Variants in CHIT1 observed in about 807,000 individuals in gnomAD.
CHIT1 encodes the protein chitinase 1, also known as chitotriosidase-1.
In CHIT1, 47 loss-of-function variants were observed where a neutral mutation model predicts 52.0. The ratio of observed to expected loss-of-function variants is 0.90; its 90% confidence interval spans 0.71 to 1.15. CHIT1 has a LOEUF of 1.15. CHIT1 is among the 50% of genes most tolerant of loss of function. The pLI is 0.00. For missense variants in CHIT1, 569 were observed against 583.0 expected (o/e 0.98, Z 0.25); for synonymous variants, 242 against 228.2 (o/e 1.06, Z -0.54).
chr1:203,230,019 C>T (rs2102248943), upstream of CHIT1: 1 of 315,388 alleles, frequency 3.2e-6, no homozygotes, highest in East Asian at 7.8e-5. Flanking sequence ...ACTCACGAGT[C>T]AGGCAGCTGG....
At position 203,225,827 on chromosome 1, in the gene CHIT1, C is replaced by T; in HGVS notation, c.99G>A (p.Gln33=). The part of the protein sequence containing the change: ...KLVCYFTNWA[Q]YRQGEARFLP... The stretch of plus-strand genomic sequence containing the variant: ...GGAAGCGAGCCTCCCCCTGTCTGTA[C>T]TGGGCCCAGTTGGTGAAGTAGCAGA... Residue 33 remains glutamine, a synonymous_variant, in exon 3 of 11, where the codon CAG becomes CAA. Coordinates refer to ENST00000367229, the MANE Select transcript of CHIT1 (RefSeq NM_003465.3). The T allele has an allele frequency of 6.2e-7, 1 of 1,614,200 alleles. No homozygotes were observed. The highest frequency in any genetic ancestry group is 8.5e-7 in the Non-Finnish European group (1 of 1,180,042).
intron 2 of CHIT1, among the ~76,000 whole-genome samples, chr1:203,227,646 G>A (rs564966090): frequency 6.6e-6 from 1 of 152,306 alleles, no homozygotes; most frequent in South Asian, 2.1e-4. Context: ...AACACTCGGA[G>A]GAACACTGCA....
chr1:203,223,122 G>A lies in CHIT1; in HGVS notation c.605+13C>T, dbSNP rs1352961495. The stretch of plus-strand genomic sequence containing the variant: ...CAGAGAGCACAGCTCCAAGCCATCT[G>A]CCTGAGACTCACTGGGCGATTTTGT... On this transcript the variant is annotated intron_variant, in intron 6 of 10. Transcript: ENST00000367229. The A allele has an allele frequency of 6.2e-7, 1 of 1,613,982 alleles. No homozygotes were observed. The highest frequency in any genetic ancestry group is 1.7e-5 in the Admixed American group (1 of 60,024).
At chr1:203,217,898 G>A (rs757044414) in intron 9 of CHIT1, 33 bp from the exon 10 acceptor site, 92 of 1,593,512 alleles carry the variant, frequency 5.8e-5, no homozygotes, top group South Asian at 5.5e-4. Context: ...GGAGGAGCCC[G>A]GGGAAGCCTG....
intron 1 of CHIT1, 145 bp downstream of exon 1, chr1:203,229,467 G>T (rs754985119): frequency 2.3e-6 from 2 of 864,784 alleles, no homozygotes; most frequent in Admixed American, 2.1e-5. Flanking sequence ...CTGCAAGCCA[G>T]GAGGCATGGA....
At chr1:203,225,452 A>T (rs1055869520) in intron 3 of CHIT1, among the ~76,000 whole-genome samples, 36 of 152,228 alleles carry the variant, frequency 2.4e-4, no homozygotes, top group African/African-American at 8.2e-4. Flanking sequence ...TCCTGATCAC[A>T]CTTAGACCTA....
At chr1:203,222,442 C>T in intron 6 of CHIT1, 117 bp from the exon 7 acceptor site, 1 of 1,497,082 alleles carries the variant, frequency 6.7e-7, no homozygotes, top group Non-Finnish European at 9.1e-7. Flanking sequence ...GGGTCAGAGG[C>T]AAAGGTGGCA....
chr1:203,219,377 A>T, intron 8 of CHIT1, 48 bp from the exon 9 acceptor site: 1 of 1,115,356 alleles, frequency 9.0e-7, no homozygotes, highest in East Asian at 2.3e-5. Context: ...AGGCTCTTGC[A>T]GGCACCTTCC....
chr1:203,222,455 C>T, intron 6 of CHIT1, 130 bp from the exon 7 acceptor site: 2 of 1,363,822 alleles, frequency 1.5e-6, no homozygotes, highest in Middle Eastern at 2.4e-4. Context: ...AGGTGGCAGG[C>T]TCACCTGGCT....
chr1:203,216,324 T>C lies in CHIT1; in HGVS notation c.*565A>G. ...GTACCAGGGGTCTGAATTCTTAGTGTAATGCTGAGTGGCTGCTCGCAGAGC... is the reference window on the plus strand; with the variant it reads ...GTACCAGGGGTCTGAATTCTTAGTGCAATGCTGAGTGGCTGCTCGCAGAGC... On this transcript the variant is annotated 3_prime_UTR_variant, in exon 11 of 11. Coordinates refer to ENST00000367229, the MANE Select transcript of CHIT1 (RefSeq NM_003465.3). 1 of 454,094 alleles carries C rather than the reference T, an allele frequency of 2.2e-6. No individual in the cohort carries two copies. The allele number at this position is 454,094 out of a possible 1,614,324, so 28.1% of individuals were successfully genotyped here. A position where few individuals can be genotyped will look rare whatever the true frequency, so the allele number is the denominator to read the frequency against.
chr1:203,229,933 C>T, upstream of CHIT1: 2 of 465,428 alleles, frequency 4.3e-6, no homozygotes, highest in Non-Finnish European at 8.0e-6. Context: ...ATGAGCATGA[C>T]CCTGACTTTC....
intron 7 of CHIT1, among the ~76,000 whole-genome samples, chr1:203,221,753 C>T (rs1311966422): frequency 1.3e-5 from 2 of 152,214 alleles, no homozygotes; most frequent in Non-Finnish European, 2.9e-5. Context: ...AGTACTTCCA[C>T]CCTGAGTGAC....
chr1:203,223,375 G>C, intron 5 of CHIT1, 116 bp from the exon 6 acceptor site: 2 of 1,601,104 alleles, frequency 1.2e-6, no homozygotes, highest in South Asian at 1.1e-5. Flanking sequence ...GGGCTGATCT[G>C]TGCCATGCAG....
intron 2 of CHIT1, 84 bp from the exon 3 acceptor site, chr1:203,225,954 T>A: frequency 7.2e-7 from 1 of 1,391,308 alleles, no homozygotes; most frequent in Non-Finnish European, 1.0e-6. Flanking sequence ...GTAGGCAATG[T>A]CCTTGGACCT....
chr1:203,222,704 G>C (rs1363184713), intron 6 of CHIT1, among the ~76,000 whole-genome samples: 2 of 152,154 alleles, frequency 1.3e-5, no homozygotes, highest in African/African-American at 4.8e-5. Flanking sequence ...AGGTTCTTCA[G>C]AAGGCCTGGG....
In CHIT1 at chr1:203,223,519, C is replaced by T; in HGVS notation, c.456G>A (p.Lys152=). 1 of 1,614,218 alleles carries T rather than the reference C, an allele frequency of 6.2e-7. No individual in the cohort carries two copies. Among genetic ancestry groups the T allele is most frequent in the East Asian group, 2.2e-5 (1 of 44,882 alleles). ...CCTGTACCAGGGTTGTGAAGCGCTC[C>T]TTGTCTACGGCAGGGCTCCCCTGGC... is the stretch of plus-strand genomic sequence containing the variant. ...PGSQGSPAVD[K]ERFTTLVQDL... Residue 152 remains lysine, a synonymous_variant, in exon 5 of 11, where the codon AAG becomes AAA. Transcript: ENST00000367229.
intron 2 of CHIT1, 81 bp from the exon 3 acceptor site, chr1:203,225,951 A>G (rs990630661): frequency 6.9e-7 from 1 of 1,446,620 alleles, no homozygotes; most frequent in African/African-American, 1.4e-5. Context: ...GGGGTAGGCA[A>G]TGTCCTTGGA....
In CHIT1 at chr1:203,217,822, C is replaced by CAGACCATGGCCCCGCCCAGTCTCT. The variant is rs1553274593; in HGVS notation, c.1072_1073insAGAGACTGGGCGGGGCCATGGTCT (p.Val357_Trp358insTer). 2 of 1,612,414 alleles carry CAGACCATGGCCCCGCCCAGTCTCT rather than the reference C, an allele frequency of 1.2e-6. No individual in the cohort carries two copies. The highest frequency in any genetic ancestry group is 2.2e-5 in the East Asian group (1 of 44,704). On this transcript the variant is annotated stop_gained, in exon 10 of 11. Coordinates refer to ENST00000367229, the MANE Select transcript of CHIT1 (RefSeq NM_003465.3). LOFTEE classifies it high-confidence loss of function. ...GGCAAAGTCATCTAAGTCCAGTGCC[C>CAGACCATGGCCCCGCCCAGTCTCT]AGACCATGGCCCCGCCCAGTCCCTT... is the stretch of plus-strand genomic sequence containing the variant.
In CHIT1 at chr1:203,216,259, T is replaced by C. The variant is rs775767788; in HGVS notation, c.*630A>G. 5.9e-5 allele frequency: 27 copies of C among 453,976 alleles called. No homozygotes were observed. The highest frequency in any genetic ancestry group is 6.8e-4 in the Middle Eastern group (1 of 1,466). 28.1% of individuals were successfully genotyped at this position (453,976 alleles called of 1,614,324 possible). A position where few individuals can be genotyped will look rare whatever the true frequency, so the allele number is the denominator to read the frequency against. On this transcript the variant is annotated 3_prime_UTR_variant, in exon 11 of 11. Transcript: ENST00000367229. Reference sequence around the variant, plus strand: ...CGGGGGCAGTAGGTGAGATAGGGCCTGCAAAGGGCCCAAACAGGATTTATC... The same window carrying C: ...CGGGGGCAGTAGGTGAGATAGGGCCCGCAAAGGGCCCAAACAGGATTTATC...
Sources: gnomAD v4.1 joint callset for allele counts (sites outside exome capture counted in the v4.1 genomes callset) on GRCh38, gnomAD v4.1.1 for gene constraint, MANE v1.5 for transcripts, NCBI Gene and HGNC (gene_info 2026-07-23, HGNC 2026-07-21) for gene names.